The following GRM3 variants were observed in gnomAD, a reference collection of about 807,000 sequenced individuals.
The protein encoded by GRM3 is metabotropic glutamate receptor 3.
A neutral mutation model predicts 70.5 loss-of-function variants in GRM3; 26 were observed. The ratio of observed to expected loss-of-function variants is 0.37; its 90% CI spans 0.27 to 0.51. GRM3 has a LOEUF of 0.51. GRM3 is among the 20% of genes least tolerant of loss of function. The probability of loss-of-function intolerance (pLI) is 0.93; values close to 1 mark genes in which losing one functional copy is unlikely to be tolerated. For synonymous variants in GRM3, 443 were observed against 434.9 expected (o/e 1.02, Z -0.23); for missense variants, 859 against 1,123.8 (o/e 0.76, Z 3.37).
At chr7:86,730,072 C>G (rs543915959) in intron 1 of GRM3, among the ~76,000 whole-genome samples, 6 of 151,162 alleles carry the variant, frequency 4.0e-5, no homozygotes, top group Non-Finnish European at 8.8e-5. Flanking sequence ...CAAGATCACA[C>G]CATTGCACTC....
At chr7:86,669,250 G>C (rs1794109623) in intron 1 of GRM3, among the ~76,000 whole-genome samples, 1 of 152,150 alleles carries the variant, frequency 6.6e-6, no homozygotes, top group South Asian at 2.1e-4. Flanking sequence ...AGAATCACTA[G>C]GGCTGGGGCC....
chr7:86,650,745 A>G (rs1793583105), intron 1 of GRM3, among the ~76,000 whole-genome samples: 1 of 152,238 alleles, frequency 6.6e-6, no homozygotes, highest in Non-Finnish European at 1.5e-5. Context: ...AACTTAGTAC[A>G]GTGGCAAGAA....
rs561917193 is a variant in GRM3, at chr7:86,712,064, T to C, written c.-140-52942T>C. 1.5e-3 allele frequency among the ~76,000 whole-genome samples: 234 copies of C among 152,204 alleles called. 1 individual carries two copies. The highest frequency in any genetic ancestry group is 0.012 in the South Asian group (59 of 4,828). On this transcript the variant is annotated intron_variant, in intron 1 of 5. Transcript: ENST00000361669. ...TTAGTGGCATCCTAATATTCAGATC[T>C]TCCAGAAGAAAACCTCAGAGGTAGT...
chr7:86,663,574 A>G (rs1418700155), intron 1 of GRM3, among the ~76,000 whole-genome samples: 2 of 152,058 alleles, frequency 1.3e-5, no homozygotes, highest in African/African-American at 4.8e-5. Flanking sequence ...GGGTCAAAAG[A>G]GAATTTATAA....
intron 2 of GRM3, among the ~76,000 whole-genome samples, chr7:86,778,534 T>C (rs181798480): frequency 9.2e-5 from 14 of 152,244 alleles, no homozygotes; most frequent in African/African-American, 2.2e-4. Context: ...TGAGTAGAAA[T>C]AGTAAATAAG....
intron 1 of GRM3, among the ~76,000 whole-genome samples, chr7:86,751,652 A>G (rs771007890): frequency 2.6e-5 from 4 of 152,104 alleles, no homozygotes; most frequent in Non-Finnish European, 5.9e-5. Context: ...ATAAAGTTGC[A>G]AGTTCCAAAT....
chr7:86,680,727 A>G (rs1024434802), intron 1 of GRM3, among the ~76,000 whole-genome samples: 2 of 152,136 alleles, frequency 1.3e-5, no homozygotes, highest in African/African-American at 4.8e-5. Flanking sequence ...AAGAAGCCCA[A>G]GTTTCAGAGC....
Position 86,695,675 on chromosome 7 carries a change from C to A in GRM3, c.-141+50803C>A, listed in dbSNP as rs1230024058. Among the ~76,000 whole-genome samples the A allele has an allele frequency of 3.9e-5, 6 of 152,140 alleles. No individual in the cohort carries two copies. In the East Asian group the frequency reaches 1.2e-3, roughly 29 times the overall value. On this transcript the variant is annotated intron_variant, in intron 1 of 5. Coordinates refer to ENST00000361669, the MANE Select transcript of GRM3 (RefSeq NM_000840.3). ...TTCCTCAACAAAAAAGTGAAAGTAA[C>A]AATGTCTACCTCAAAAAACTATAAA...
intron 2 of GRM3, chr7:86,784,480 G>C (rs1004487023): frequency 6.6e-6 from 1 of 152,144 alleles, no homozygotes; most frequent in Non-Finnish European, 1.5e-5. Flanking sequence ...CATAGACAGG[G>C]CTCCTATCAC....
chr7:86,647,412 C>T (rs1029185378), intron 1 of GRM3, among the ~76,000 whole-genome samples: 4 of 152,166 alleles, frequency 2.6e-5, no homozygotes, highest in African/African-American at 9.6e-5. Flanking sequence ...AAACATCATC[C>T]CAATATTCTA....
chr7:86,737,614 G>A (rs547174176), intron 1 of GRM3, among the ~76,000 whole-genome samples: 35 of 152,176 alleles, frequency 2.3e-4, no homozygotes, highest in Admixed American at 2.0e-3. Context: ...TTCTCAATAC[G>A]TGCTTTAGTC....
At chr7:86,851,239 C>G (rs1184719398) in intron 5 of GRM3, among the ~76,000 whole-genome samples, 1 of 152,146 alleles carries the variant, frequency 6.6e-6, no homozygotes, top group Non-Finnish European at 1.5e-5. Context: ...ACTTCAATGA[C>G]ACAATGTTTT....
chr7:86,644,908 G>A (rs1396395583), intron 1 of GRM3, 36 bp downstream of exon 1: 3 of 1,204,832 alleles, frequency 2.5e-6, no homozygotes, highest in Non-Finnish European at 2.2e-6. Flanking sequence ...CCCTCTGGAG[G>A]GCGCCCAGCC....
chr7:86,858,019 C>A (rs1562884285), intron 5 of GRM3, among the ~76,000 whole-genome samples: 1 of 151,634 alleles, frequency 6.6e-6, no homozygotes, highest in Non-Finnish European at 1.5e-5. Flanking sequence ...TGCAGTGGCA[C>A]AATCTCGGCT....
chr7:86,783,404 GCTATGAAC>G (rs1797129764), intron 2 of GRM3, among the ~76,000 whole-genome samples: 1 of 152,084 alleles, frequency 6.6e-6, no homozygotes, highest in South Asian at 2.1e-4. Context: ...TAACCATATG[GCTATGAAC>G]AAGTTTCTTC....
intron 3 of GRM3, among the ~76,000 whole-genome samples, chr7:86,823,624 C>G (rs1289509915): frequency 2.1e-5 from 2 of 96,944 alleles, no homozygotes; most frequent in Non-Finnish European, 1.9e-5. Flanking sequence ...GGGATTAGTG[C>G]ATGCTGGGGG....
At chr7:86,799,930 T>C (rs1166723241) in intron 3 of GRM3, among the ~76,000 whole-genome samples, 1 of 152,230 alleles carries the variant, frequency 6.6e-6, no homozygotes, top group Non-Finnish European at 1.5e-5. Flanking sequence ...TTGTCTTCAG[T>C]ATGCTTACTG....
intron 1 of GRM3, among the ~76,000 whole-genome samples, chr7:86,759,915 G>C (rs150893952): frequency 9.9e-5 from 15 of 152,178 alleles, no homozygotes; most frequent in African/African-American, 2.9e-4. Flanking sequence ...TAGCTACAGC[G>C]TCTGTTTGTT....
intron 1 of GRM3, among the ~76,000 whole-genome samples, chr7:86,649,895 T>A (rs959424665): frequency 6.6e-6 from 1 of 152,164 alleles, no homozygotes; most frequent in Non-Finnish European, 1.5e-5. Flanking sequence ...CACACAAAGT[T>A]TCACAAACAT....
Sources: gnomAD v4.1 joint callset for allele counts (sites outside exome capture counted in the v4.1 genomes callset) on GRCh38, gnomAD v4.1.1 for gene constraint, MANE v1.5 for transcripts, NCBI Gene and HGNC (gene_info 2026-07-23, HGNC 2026-07-21) for gene names.